Variants in CCDC88C observed in about 807,000 individuals in gnomAD.
CCDC88C encodes the protein protein Daple.
Under a neutral mutation model 198.8 loss-of-function variants are expected in CCDC88C, and 131 were observed. That is an observed-to-expected ratio of 0.66 (90% confidence interval 0.57 to 0.76). CCDC88C has a LOEUF of 0.76. CCDC88C is among the 30% of genes least tolerant of loss of function. CCDC88C has a pLI of 0.00. For synonymous variants in CCDC88C, 1,166 were observed against 1,114.7 expected (o/e 1.05, Z -0.92); for missense variants, 2,553 against 2,631.6 (o/e 0.97, Z 0.65).
Position 91,303,841 on chromosome 14 carries a change from C to T in CCDC88C, c.3495G>A (p.Glu1165=). 6.2e-7 allele frequency: 1 copy of T among 1,613,290 alleles called. No individual in the cohort carries two copies. The highest frequency in any genetic ancestry group is 1.3e-5 in the African/African-American group (1 of 75,076). The part of the protein sequence containing the change: ...RQQEQLTAAY[E]ALLQDHEHLG... ...GGTGCTCGTGGTCCTGCAGCAGGGCCTCGTAGGCCGCTGTAAGTTGCTCCT... is the reference window on the plus strand; with the variant it reads ...GGTGCTCGTGGTCCTGCAGCAGGGCTTCGTAGGCCGCTGTAAGTTGCTCCT... The change falls in exon 20 of 30, where the codon GAG becomes GAA. Residue 1165 remains glutamate (E), a synonymous_variant. Coordinates refer to ENST00000389857, the MANE Select transcript of CCDC88C (RefSeq NM_001080414.4).
chr14:91,417,609 G>A, intron 1 of CCDC88C, 22 bp downstream of exon 1: 1 of 1,578,686 alleles, frequency 6.3e-7, no homozygotes, highest in South Asian at 1.2e-5. Flanking sequence ...CAACAAAGGG[G>A]CGGGGAGCCA....
At chr14:91,354,405 TCA>T (rs1893950940) in intron 4 of CCDC88C, among the ~76,000 whole-genome samples, 1 of 152,182 alleles carries the variant, frequency 6.6e-6, no homozygotes, top group South Asian at 2.1e-4. Flanking sequence ...GCATCCTCCC[TCA>T]CAGCACAGAC....
chr14:91,308,802 T>C (rs1038264979), intron 16 of CCDC88C, among the ~76,000 whole-genome samples: 2 of 152,176 alleles, frequency 1.3e-5, no homozygotes, highest in Non-Finnish European at 2.9e-5. Flanking sequence ...GTTAAGCAAT[T>C]TGCCCAAGGT....
chr14:91,293,328 GCCAAAGCTC>G (rs1890776749), intron 23 of CCDC88C, among the ~76,000 whole-genome samples: 1 of 114,904 alleles, frequency 8.7e-6, no homozygotes, highest in Admixed American at 9.2e-5. Context: ...ATCCTCACCT[GCCAAAGCTC>G]ACCTTCCTGT....
chr14:91,363,603 A>G (rs540507171), intron 3 of CCDC88C, among the ~76,000 whole-genome samples: 20 of 152,394 alleles, frequency 1.3e-4, no homozygotes, highest in African/African-American at 4.8e-4. Context: ...AAAATTTTTA[A>G]GAAAGAAAAA....
Position 91,315,696 on chromosome 14 carries a change from T to A in CCDC88C, c.1619A>T (p.Gln540Leu). Residue 540 changes from glutamine (Q) to leucine (L), a missense_variant, in exon 14 of 30, where the codon CAG (glutamine) becomes CTG (leucine). Around this residue, in one of 2 missense-constraint regions of CCDC88C, gnomAD observed 1,260 missense variants for 1,412.0 expected, o/e 0.89. Transcript: ENST00000389857. Reference sequence around the variant, plus strand: ...CAGGGTCTCCATGTCACTCTGCAGCTGCTCCTTCTCTCTGATCAGCTCCTC... The same window carrying A: ...CAGGGTCTCCATGTCACTCTGCAGCAGCTCCTTCTCTCTGATCAGCTCCTC... ...LSEELIREKE[Q>L]LQSDMETLKA... The A allele has an allele frequency of 6.2e-7, 1 of 1,613,956 alleles. No homozygotes were observed. Among genetic ancestry groups the A allele is most frequent in the South Asian group, 1.1e-5 (1 of 91,038 alleles).
intron 1 of CCDC88C, 111 bp downstream of exon 1, chr14:91,417,520 G>T (rs1887130103): frequency 1.1e-6 from 1 of 926,688 alleles, no homozygotes; most frequent in East Asian, 3.1e-5. Context: ...TGCGTCCCTC[G>T]CGCCCCGGAG....
intron 21 of CCDC88C, among the ~76,000 whole-genome samples, chr14:91,299,401 T>C (rs1891171132): frequency 6.6e-6 from 1 of 152,208 alleles, no homozygotes; most frequent in Non-Finnish European, 1.5e-5. Context: ...GGACATTTGT[T>C]TGCAGTAGGA....
At chr14:91,336,821 C>A (rs574491273) in intron 10 of CCDC88C, among the ~76,000 whole-genome samples, 28 of 152,356 alleles carry the variant, frequency 1.8e-4, no homozygotes, top group African/African-American at 6.5e-4. Context: ...GCTTCCAGAG[C>A]CTCCAGGGCC....
intron 3 of CCDC88C, among the ~76,000 whole-genome samples, chr14:91,365,429 G>C (rs1894490556): frequency 6.6e-6 from 1 of 152,224 alleles, no homozygotes; most frequent in Non-Finnish European, 1.5e-5. Flanking sequence ...GGGGCTTGTA[G>C]ATGAAGCTCA....
chr14:91,285,561 G>C (rs1890368605), intron 25 of CCDC88C: 3 of 1,029,336 alleles, frequency 2.9e-6, no homozygotes, highest in Non-Finnish European at 3.9e-6. Context: ...GGCAGGAGGA[G>C]GGGTCCGCTA....
Position 91,338,674 on chromosome 14 carries a change from TC to T in CCDC88C, c.810-105del, listed in dbSNP as rs1893168130. The T allele has an allele frequency of 1.2e-6, 1 of 858,392 alleles. No individual in the cohort carries two copies. 53.2% of individuals were successfully genotyped at this position (858,392 alleles called of 1,614,324 possible). A position where few individuals can be genotyped will look rare whatever the true frequency, so the allele number is the denominator to read the frequency against. On this transcript the variant is annotated intron_variant, in intron 8 of 29. Transcript: ENST00000389857. The surrounding 1 kb of genome is among the most constrained non-coding windows in gnomAD (Gnocchi z 4.8). Reference sequence around the variant, plus strand: ...AAAACCTGTGGGAAAAGGAAAGGACTCGGGATTTGGGCGGTGGGGAGGCGAT... The same window carrying T: ...AAAACCTGTGGGAAAAGGAAAGGACTGGGATTTGGGCGGTGGGGAGGCGAT...
chr14:91,304,025 G>A (rs1327228191), intron 19 of CCDC88C, 47 bp from the exon 20 acceptor site: 4 of 1,575,476 alleles, frequency 2.5e-6, no homozygotes, highest in Non-Finnish European at 2.6e-6. Context: ...CACAGTCAGC[G>A]AGGAGGGCTG....
intron 14 of CCDC88C, among the ~76,000 whole-genome samples, chr14:91,314,904 A>G (rs1327842220): frequency 1.3e-5 from 2 of 152,222 alleles, no homozygotes; most frequent in African/African-American, 4.8e-5. Flanking sequence ...TGGGAAGCTA[A>G]GACGGGAGGA....
At chr14:91,385,569 A>G (rs532801781) in intron 3 of CCDC88C, among the ~76,000 whole-genome samples, 10 of 152,356 alleles carry the variant, frequency 6.6e-5, no homozygotes, top group African/African-American at 2.4e-4. Context: ...CTCAGGTCAC[A>G]AGGTGGGCGG....
At position 91,367,657 on chromosome 14, in the gene CCDC88C, G is replaced by T. The variant is rs115699847; in HGVS notation, c.271-7946C>A. Among the ~76,000 whole-genome samples, 1,232 of 152,250 alleles carry T rather than the reference G, an allele frequency of 8.1e-3. 15 individuals are homozygous for T. The highest frequency in any genetic ancestry group is 0.028 in the African/African-American group (1,171 of 41,542). ...ACTGCCAAACTGCCCAGACAAGTCTGGGAAGGCTTCCCAGAGGAGACAGCT... is the reference window on the plus strand; with the variant it reads ...ACTGCCAAACTGCCCAGACAAGTCTTGGAAGGCTTCCCAGAGGAGACAGCT... On this transcript the variant is annotated intron_variant, in intron 3 of 29. Coordinates refer to ENST00000389857, the MANE Select transcript of CCDC88C (RefSeq NM_001080414.4).
At position 91,348,159 on chromosome 14, in the gene CCDC88C, C is replaced by T. The variant is rs554548165; in HGVS notation, c.341-4502G>A. 5.3e-5 allele frequency among the ~76,000 whole-genome samples: 8 copies of T among 152,138 alleles called. No homozygotes were observed. In the South Asian group the frequency reaches 8.3e-4, roughly 16 times the overall value. ...TAGCTGGGATTACAGGCGCACACCACCATGCCCAGCCAATTTTTGTATTTT... is the reference window on the plus strand; with the variant it reads ...TAGCTGGGATTACAGGCGCACACCATCATGCCCAGCCAATTTTTGTATTTT... On this transcript the variant is annotated intron_variant, in intron 4 of 29. Coordinates refer to ENST00000389857, the MANE Select transcript of CCDC88C (RefSeq NM_001080414.4).
chr14:91,300,575 T>C (rs559455578), intron 20 of CCDC88C, among the ~76,000 whole-genome samples: 1 of 152,278 alleles, frequency 6.6e-6, no homozygotes, highest in South Asian at 2.1e-4. Context: ...TTGTTCTTAG[T>C]CTGGCCTTCC....
intron 25 of CCDC88C, among the ~76,000 whole-genome samples, chr14:91,285,988 A>G (rs977330999): frequency 1.3e-5 from 2 of 152,228 alleles, no homozygotes; most frequent in East Asian, 3.8e-4. Context: ...AAAACAGTAC[A>G]CAGTACTCAA....
Sources: gnomAD v4.1 joint callset for allele counts (sites outside exome capture counted in the v4.1 genomes callset) on GRCh38, gnomAD v4.1.1 for gene constraint, gnomAD v4.1.1 regional missense constraint, Gnocchi (gnomAD v3.1) non-coding constraint, MANE v1.5 for transcripts, NCBI Gene and HGNC (gene_info 2026-07-23, HGNC 2026-07-21) for gene names.